SUGCT: variants seen among roughly 807,000 people sequenced by gnomAD.
SUGCT encodes the protein succinyl-CoA:glutarate-CoA transferase, also known as succinyl-CoA:glutarate CoA-transferase.
SUGCT carries 41 observed loss-of-function variants against 55.0 expected under a neutral mutation model. That is an observed-to-expected ratio of 0.74 (90% CI 0.58 to 0.97). SUGCT has a LOEUF of 0.97. Among genes scored for constraint, SUGCT ranks in the 50% least tolerant of loss-of-function variants. The pLI is 0.00. For synonymous variants in SUGCT, 187 were observed against 200.4 expected (o/e 0.93, Z 0.56); for missense variants, 568 against 547.8 (o/e 1.04, Z -0.37).
intron 8 of SUGCT, among the ~76,000 whole-genome samples, chr7:40,306,121 C>T (rs1029761469): frequency 3.9e-5 from 6 of 152,126 alleles, no homozygotes. Context: ...TTCCTTTGCC[C>T]CCGTTAATCT....
chr7:40,197,897 A>C (rs183915267), intron 6 of SUGCT, among the ~76,000 whole-genome samples: 54 of 152,326 alleles, frequency 3.5e-4, no homozygotes, highest in Non-Finnish European at 6.2e-4. Context: ...ATTTATAACT[A>C]ACTGGTTAGG....
chr7:40,668,768 G>A (rs1801778689), intron 12 of SUGCT, among the ~76,000 whole-genome samples: 1 of 152,108 alleles, frequency 6.6e-6, no homozygotes, highest in Non-Finnish European at 1.5e-5. Flanking sequence ...AACACCAAAA[G>A]ACAAGGAAAG....
rs2151634032 is a variant in SUGCT at position 40,548,119 on chromosome 7, A to C, written c.1089+51733A>C. ...AGTTTTATACTGTTTCGCATTCTTT[A>C]CTTTTTGTGTGTTTTAATTTTAATC... On this transcript the variant is annotated intron_variant, in intron 12 of 13. Transcript: ENST00000335693. Among the ~76,000 whole-genome samples, 3 of 148,302 alleles carry C rather than the reference A, an allele frequency of 2.0e-5. No homozygotes were observed. In the East Asian group the frequency reaches 5.9e-4, roughly 29 times the overall value.
chr7:40,760,779 G>A (rs1211973870), intron 13 of SUGCT, among the ~76,000 whole-genome samples: 1 of 151,610 alleles, frequency 6.6e-6, no homozygotes, highest in Admixed American at 6.6e-5. Context: ...TGCAATTTAT[G>A]TTTGGAGATC....
At chr7:40,512,189 A>G (rs544742952) in intron 12 of SUGCT, among the ~76,000 whole-genome samples, 2 of 152,310 alleles carry the variant, frequency 1.3e-5, no homozygotes, top group South Asian at 4.1e-4. Context: ...GTATCACCAA[A>G]ATTGGTTTCA....
At chr7:40,456,108 C>T (rs566713213) in intron 10 of SUGCT, among the ~76,000 whole-genome samples, 1 of 152,126 alleles carries the variant, frequency 6.6e-6, no homozygotes, top group South Asian at 2.1e-4. Context: ...TCACTGCAAC[C>T]TCTGCCTCCT....
chr7:40,381,448 A>G (rs1353428479), intron 9 of SUGCT, among the ~76,000 whole-genome samples: 2 of 115,734 alleles, frequency 1.7e-5, no homozygotes, highest in African/African-American at 6.2e-5. Flanking sequence ...TTATAATTTT[A>G]TGTTCTTTAA....
At chr7:40,686,535 G>A (rs1298506996) in intron 12 of SUGCT, among the ~76,000 whole-genome samples, 2 of 152,186 alleles carry the variant, frequency 1.3e-5, no homozygotes, top group Admixed American at 1.3e-4. Context: ...AGCTGACTGG[G>A]AGCTTTGTAT....
At chr7:40,754,874 C>T (rs559275765) in intron 13 of SUGCT, among the ~76,000 whole-genome samples, 3 of 152,214 alleles carry the variant, frequency 2.0e-5, no homozygotes, top group Middle Eastern at 3.4e-3. Context: ...AATGTTTTCA[C>T]GTTTTTATGA....
the SUGCT span, among the ~76,000 whole-genome samples, chr7:40,876,665 A>G: frequency 6.6e-6 from 1 of 152,198 alleles, no homozygotes. Context: ...CTTCACCACC[A>G]TAAATCAGAG....
chr7:41,035,583 T>TAC, the SUGCT span, among the ~76,000 whole-genome samples: 2 of 152,258 alleles, frequency 1.3e-5, no homozygotes, highest in African/African-American at 2.4e-5. Context: ...GTTTACAAGA[T>TAC]ACACAGTTAA....
intron 13 of SUGCT, among the ~76,000 whole-genome samples, chr7:40,792,564 T>C (rs1364828728): frequency 6.6e-6 from 1 of 152,164 alleles, no homozygotes; most frequent in Non-Finnish European, 1.5e-5. Flanking sequence ...TATGCTGGAC[T>C]TGTAGCTATC....
chr7:40,465,320 C>CTGGCTGG, intron 11 of SUGCT, among the ~76,000 whole-genome samples: 2 of 152,064 alleles, frequency 1.3e-5, no homozygotes, highest in Non-Finnish European at 2.9e-5. Context: ...AGGCTGGGTG[C>CTGGCTGG]GGTGGCTGGC....
chr7:40,403,358 TG>T (rs1378560881), intron 9 of SUGCT, among the ~76,000 whole-genome samples: 7 of 152,178 alleles, frequency 4.6e-5, no homozygotes, highest in Middle Eastern at 3.2e-3. Context: ...GAATGAAAGC[TG>T]AGTAGTATTT....
At position 40,392,815 on chromosome 7, in the gene SUGCT, A is replaced by G. The variant is rs551697067; in HGVS notation, c.817-56472A>G. On this transcript the variant is annotated intron_variant, in intron 9 of 13. Coordinates refer to ENST00000335693, the MANE Select transcript of SUGCT (RefSeq NM_001193313.2). ...AGTGGTAGCAAGGGATCTATTTGAG[A>G]TGTAAGTTTGAAAAATAAATTTACA... 7.2e-5 allele frequency among the ~76,000 whole-genome samples: 11 copies of G among 152,330 alleles called. No homozygotes were observed. In the East Asian group the frequency reaches 1.3e-3, roughly 19 times the overall value.
chr7:40,566,927 T>TA (rs1352117903), intron 12 of SUGCT, among the ~76,000 whole-genome samples: 1 of 152,256 alleles, frequency 6.6e-6, no homozygotes, highest in East Asian at 1.9e-4. Context: ...CTGGGTAACT[T>TA]AAAAAAATAT....
chr7:40,925,829 C>T, the SUGCT span, among the ~76,000 whole-genome samples: 1 of 152,172 alleles, frequency 6.6e-6, no homozygotes, highest in Non-Finnish European at 1.5e-5. Context: ...CATGATGGCT[C>T]ATGCCTGCAA....
intron 12 of SUGCT, among the ~76,000 whole-genome samples, chr7:40,745,794 A>G (rs758939995): frequency 2.6e-5 from 4 of 152,238 alleles, no homozygotes; most frequent in Non-Finnish European, 4.4e-5. Flanking sequence ...CCTGCCTTAT[A>G]TTGAAATAAC....
chr7:40,438,661 C>G (rs1788303161), intron 9 of SUGCT, among the ~76,000 whole-genome samples: 1 of 152,052 alleles, frequency 6.6e-6, no homozygotes, highest in Non-Finnish European at 1.5e-5. Context: ...TCATTTCATT[C>G]AGAAGCAATT....
Sources: gnomAD v4.1 joint callset for allele counts (sites outside exome capture counted in the v4.1 genomes callset) on GRCh38, gnomAD v4.1.1 for gene constraint, MANE v1.5 for transcripts, NCBI Gene and HGNC (gene_info 2026-07-23, HGNC 2026-07-21) for gene names.